The following SATB2 variants were observed in gnomAD, a reference collection of about 807,000 sequenced individuals.
SATB2 encodes DNA-binding protein SATB2.
Under a neutral mutation model 73.4 loss-of-function variants are expected in SATB2, and 1 was observed. The ratio of observed to expected loss-of-function variants is 0.01; its 90% CI spans 0.00 to 0.06. The LOEUF is 0.06. Among genes scored for constraint, SATB2 ranks in the 10% least tolerant of loss-of-function variants. SATB2 has a pLI of 1.00. For missense variants in SATB2, 459 were observed against 945.8 expected (o/e 0.49, Z 6.75); for synonymous variants, 397 against 367.0 (o/e 1.08, Z -0.93).
intron 10 of SATB2, among the ~76,000 whole-genome samples, chr2:199,305,035 A>G (rs897867075): frequency 1.3e-5 from 2 of 152,204 alleles, no homozygotes; most frequent in Non-Finnish European, 2.9e-5. Context: ...AAATTAATAT[A>G]AAAATAAATG....
At chr2:199,331,885 T>C (rs561267260) in intron 7 of SATB2, among the ~76,000 whole-genome samples, 1 of 152,314 alleles carries the variant, frequency 6.6e-6, no homozygotes, top group African/African-American at 2.4e-5. Context: ...CATAAATTAA[T>C]AATTTATCTC....
In SATB2 at chr2:199,455,667, C is replaced by G. The variant is rs747861375; in HGVS notation, c.169+202G>C. On this transcript the variant is annotated intron_variant, in intron 2 of 10. Coordinates refer to ENST00000417098, the MANE Select transcript of SATB2 (RefSeq NM_001172509.2). This position sits in a 1 kb window ranked among gnomAD's most constrained non-coding sequence, Gnocchi z 4.1. The stretch of plus-strand genomic sequence containing the variant: ...GGCAAAATGCCCAAAAAATGCCACC[C>G]TCTGGGTAAAACCACTTTCTTGTTT... Among the ~76,000 whole-genome samples, 6 of 152,254 alleles carry G rather than the reference C, an allele frequency of 3.9e-5. No homozygotes were observed. Among genetic ancestry groups the G allele is most frequent in the Non-Finnish European group, 7.3e-5 (5 of 68,032 alleles).
chr2:199,401,051 T>C (rs982855613), intron 3 of SATB2, among the ~76,000 whole-genome samples: 6 of 152,144 alleles, frequency 3.9e-5, no homozygotes, highest in African/African-American at 1.4e-4. Context: ...CTTTTGAACA[T>C]AAAAAGCTGT....
intron 3 of SATB2, among the ~76,000 whole-genome samples, chr2:199,426,349 C>A (rs1455328715): frequency 6.6e-6 from 1 of 152,062 alleles, no homozygotes; most frequent in Non-Finnish European, 1.5e-5. Flanking sequence ...AGTGCAGTGG[C>A]ACAATCTCAG....
At chr2:199,363,739 G>A (rs536556726) in intron 6 of SATB2, among the ~76,000 whole-genome samples, 1 of 152,206 alleles carries the variant, frequency 6.6e-6, no homozygotes, top group East Asian at 1.9e-4. Flanking sequence ...CCATCACTTT[G>A]TACCCTGTAA....
intron 2 of SATB2, among the ~76,000 whole-genome samples, chr2:199,446,071 G>A (rs563661609): frequency 3.9e-5 from 6 of 152,204 alleles, no homozygotes; most frequent in East Asian, 1.9e-4. Flanking sequence ...ATTCAGTCAC[G>A]TAATGACTTA....
rs543092575 is a variant in SATB2, at chr2:199,457,696, C to G, written c.-417G>C. The G allele has an allele frequency of 6.5e-6, 1 of 153,674 alleles. No homozygotes were observed. The highest frequency in any genetic ancestry group is 1.9e-4 in the East Asian group (1 of 5,154). 9.5% of individuals were successfully genotyped at this position (153,674 alleles called of 1,614,324 possible). A position where few individuals can be genotyped will look rare whatever the true frequency, so the allele number is the denominator to read the frequency against. On this transcript the variant is annotated 5_prime_UTR_variant, in exon 1 of 11. Transcript: ENST00000417098. This position sits in a 1 kb window ranked among gnomAD's most constrained non-coding sequence, Gnocchi z 4.8. ...TTTTCACACCTTCGGGAAGGAGACC[C>G]GTTCTGGAGAGAAAGGGCTGAGAAC... is the stretch of plus-strand genomic sequence containing the variant.
At chr2:199,459,019 G>C (rs948063437), upstream of SATB2, among the ~76,000 whole-genome samples, 2 of 152,126 alleles carry the variant, frequency 1.3e-5, no homozygotes, top group African/African-American at 4.8e-5. This position sits in a 1 kb window ranked among gnomAD's most constrained non-coding sequence, Gnocchi z 4.2. Flanking sequence ...GGTGGATGCA[G>C]AGCGGGGTGC....
chr2:199,280,182 T>C (rs764258429), intron 10 of SATB2, among the ~76,000 whole-genome samples: 1 of 152,236 alleles, frequency 6.6e-6, no homozygotes, highest in Non-Finnish European at 1.5e-5. Context: ...CTGCAATCTC[T>C]GAACATAAAT....
intron 3 of SATB2, among the ~76,000 whole-genome samples, chr2:199,429,647 C>T (rs1027664071): frequency 1.1e-4 from 17 of 152,212 alleles, no homozygotes; most frequent in African/African-American, 2.2e-4. Context: ...CGGAGGCTCA[C>T]GCCTGTAATC....
rs1574646931 is a variant in SATB2, at chr2:199,457,101, G to A, written c.-60+238C>T. On this transcript the variant is annotated intron_variant, in intron 1 of 10. Coordinates refer to ENST00000417098, the MANE Select transcript of SATB2 (RefSeq NM_001172509.2). The surrounding 1 kb of genome is among the most constrained non-coding windows in gnomAD (Gnocchi z 4.8). ...GCTGGGAATCCTCGTGGGCGCTCTGGCCGCGCGAGCAGTGTCGGCGCCACG... is the reference window on the plus strand; with the variant it reads ...GCTGGGAATCCTCGTGGGCGCTCTGACCGCGCGAGCAGTGTCGGCGCCACG... 6.6e-6 allele frequency among the ~76,000 whole-genome samples: 1 copy of A among 152,328 alleles called. No homozygotes were observed. The highest frequency in any genetic ancestry group is 6.5e-5 in the Admixed American group (1 of 15,312).
At chr2:199,470,597 C>T (rs1692684624) in intron 1 of SATB2, 2 of 152,364 alleles carry the variant, frequency 1.3e-5, no homozygotes, top group African/African-American at 4.8e-5. Flanking sequence ...AAATGTATGG[C>T]TGCTATACAC....
intron 6 of SATB2, among the ~76,000 whole-genome samples, chr2:199,350,896 G>A (rs976214249): frequency 1.3e-5 from 2 of 151,860 alleles, no homozygotes; most frequent in African/African-American, 4.8e-5. Context: ...GGTGGCATGC[G>A]CCTGTAATCC....
At chr2:199,346,897 C>T (rs1039776725) in intron 7 of SATB2, 2 of 127,498 alleles carry the variant, frequency 1.6e-5, no homozygotes, top group Non-Finnish European at 3.2e-5. Context: ...TGGAGTTTCA[C>T]TCTCACTCAG....
chr2:199,455,919 G>A lies in SATB2; in HGVS notation c.119C>T (p.Pro40Leu). Residue 40 changes from proline (P) to leucine (L), a missense_variant, in exon 2 of 11, where the codon CCC becomes CTC. Physicochemically the swap from Pro to Leu is moderately conservative, Grantham distance 98. Coordinates refer to ENST00000417098, the MANE Select transcript of SATB2 (RefSeq NM_001172509.2). The surrounding 1 kb of genome is among the most constrained non-coding windows in gnomAD (Gnocchi z 4.1). The stretch of plus-strand genomic sequence containing the variant: ...GTTGGGCCTCCCGCGGGCTCCCATG[G>A]GGCTGCCGTTCTGCTCCAGCCGGGC... ...KVARLEQNGS[P>L]MGARGRPNGA... 2 of 1,538,318 alleles carry A rather than the reference G, an allele frequency of 1.3e-6. No individual in the cohort carries two copies. The highest frequency in any genetic ancestry group is 1.7e-6 in the Non-Finnish European group (2 of 1,148,044).
intron 3 of SATB2, among the ~76,000 whole-genome samples, chr2:199,424,247 T>C (rs1691261621): frequency 2.0e-5 from 3 of 152,158 alleles, no homozygotes; most frequent in Admixed American, 2.0e-4. Context: ...AAACCTGCAT[T>C]TCAAAGTGCT....
upstream of SATB2, chr2:199,467,477 G>A (rs1692616716): frequency 6.6e-6 from 1 of 152,282 alleles, no homozygotes; most frequent in Admixed American, 6.5e-5. Context: ...CCTCGGACAA[G>A]TGGAGTGTAA....
At chr2:199,288,166 A>G (rs892674570) in intron 10 of SATB2, among the ~76,000 whole-genome samples, 2 of 152,226 alleles carry the variant, frequency 1.3e-5, no homozygotes, top group African/African-American at 4.8e-5. Context: ...TTTCTCTCCC[A>G]AATGTCCATT....
intron 1 of SATB2, among the ~76,000 whole-genome samples, chr2:199,456,973 G>T (rs1469655553): frequency 1.4e-5 from 2 of 142,148 alleles, no homozygotes; most frequent in African/African-American, 5.1e-5. Flanking sequence ...GGATTGGGGG[G>T]GTGGGGGGGG....
Sources: allele counts gnomAD v4.1 joint callset (sites outside exome capture counted in the v4.1 genomes callset), GRCh38; gene constraint gnomAD v4.1.1; non-coding constraint Gnocchi (gnomAD v3.1); transcripts MANE v1.5; gene names NCBI Gene and HGNC (gene_info 2026-07-23, HGNC 2026-07-21).